Variants in CDK13 observed in about 807,000 individuals in gnomAD.
CDK13 encodes cyclin-dependent kinase 13.
A neutral mutation model predicts 137.6 loss-of-function variants in CDK13; 40 were observed. The observed-to-expected ratio is 0.29, with a 90% CI of 0.23 to 0.38. CDK13 has a LOEUF of 0.38. Ranked by LOEUF, CDK13 falls within the 10% of genes least tolerant of loss-of-function variation. The pLI is 1.00. For synonymous variants in CDK13, 869 were observed against 760.1 expected (o/e 1.14, Z -2.36); for missense variants, 1,704 against 1,951.8 (o/e 0.87, Z 2.39).
At chr7:40,003,206 ACT>A (rs144732307) in intron 5 of CDK13, among the ~76,000 whole-genome samples, 1,816 of 79,742 alleles carry the variant, frequency 0.023, 17 homozygotes, top group East Asian at 0.043. Context: ...ACACACACAC[ACT>A]CTCTCTCTCT....
intron 1 of CDK13, among the ~76,000 whole-genome samples, chr7:39,970,501 T>C (rs1167982389): frequency 6.6e-6 from 1 of 151,448 alleles, no homozygotes; most frequent in Non-Finnish European, 1.5e-5. Flanking sequence ...TACTTCTTCG[T>C]CTAGACTGGA....
intron 13 of CDK13, 59 bp from the exon 14 acceptor site, chr7:40,094,071 T>G: frequency 6.4e-7 from 1 of 1,564,958 alleles, no homozygotes; most frequent in Non-Finnish European, 8.7e-7. Flanking sequence ...CACTGAGTAT[T>G]TTGAATATTT....
At chr7:40,078,918 AATAACAT>A in intron 11 of CDK13, 67 bp downstream of exon 11, 4 of 552,306 alleles carry the variant, frequency 7.2e-6, no homozygotes, top group Non-Finnish European at 1.0e-5. Context: ...AAACAGTTTT[AATAACAT>A]ATATAATAAG....
At chr7:40,037,455 ACAGC>A (rs890288138) in intron 5 of CDK13, among the ~76,000 whole-genome samples, 4 of 152,166 alleles carry the variant, frequency 2.6e-5, no homozygotes, top group African/African-American at 9.7e-5. Flanking sequence ...AAATATCCTG[ACAGC>A]CTTGGTGGCT....
chr7:40,001,766 TAAG>T (rs983785427), intron 4 of CDK13, 92 bp from the exon 5 acceptor site: 4 of 817,718 alleles, frequency 4.9e-6, no homozygotes, highest in Non-Finnish European at 8.2e-6. Context: ...TTTTGAGAAA[TAAG>T]AACAGAATTG....
At chr7:39,978,600 C>A (rs1239229789) in intron 1 of CDK13, among the ~76,000 whole-genome samples, 1 of 152,170 alleles carries the variant, frequency 6.6e-6, no homozygotes, top group African/African-American at 2.4e-5. Context: ...AACAAATGAA[C>A]AGCAAAGGTT....
chr7:39,972,650 T>A (rs980229346), intron 1 of CDK13, among the ~76,000 whole-genome samples: 1 of 152,258 alleles, frequency 6.6e-6, no homozygotes, highest in Non-Finnish European at 1.5e-5. Flanking sequence ...AGTATATGGA[T>A]CAATATTCCT....
intron 1 of CDK13, among the ~76,000 whole-genome samples, chr7:39,972,638 G>T (rs1784024437): frequency 6.6e-6 from 1 of 152,160 alleles, no homozygotes; most frequent in African/African-American, 2.4e-5. Flanking sequence ...TATCTGTGTT[G>T]TAGTATATGG....
chr7:39,997,380 A>G (rs916681644), intron 2 of CDK13, 114 bp from the exon 3 acceptor site: 2 of 819,768 alleles, frequency 2.4e-6, no homozygotes, highest in Non-Finnish European at 4.0e-6. Context: ...TAGTCTTATA[A>G]TGTGAAATAC....
intron 9 of CDK13, chr7:40,066,704 G>C (rs1786286928): frequency 6.6e-6 from 1 of 152,160 alleles, no homozygotes; most frequent in Non-Finnish European, 1.5e-5. Context: ...TTTATTTAAA[G>C]AAATCAAAAC....
At chr7:39,956,079 A>G (rs1787399300) in intron 1 of CDK13, among the ~76,000 whole-genome samples, 2 of 152,214 alleles carry the variant, frequency 1.3e-5, no homozygotes, top group Admixed American at 1.3e-4. Context: ...AGTATATGAA[A>G]TGAAGATATT....
chr7:40,086,671 T>C (rs1321120021), intron 11 of CDK13, among the ~76,000 whole-genome samples: 1 of 152,194 alleles, frequency 6.6e-6, no homozygotes, highest in Non-Finnish European at 1.5e-5. Flanking sequence ...GATGAGCCGC[T>C]CTATGCCAGG....
intron 7 of CDK13, among the ~76,000 whole-genome samples, chr7:40,051,182 A>G (rs1454728658): frequency 1.3e-5 from 2 of 152,094 alleles, no homozygotes; most frequent in African/African-American, 4.8e-5. Context: ...TAAATGTATA[A>G]GAGGAAAATT....
chr7:39,965,235 C>T (rs1489089345), intron 1 of CDK13, among the ~76,000 whole-genome samples: 1 of 152,100 alleles, frequency 6.6e-6, no homozygotes, highest in Non-Finnish European at 1.5e-5. Flanking sequence ...GTTAAAGTCT[C>T]CCATTATTTT....
Position 39,997,498 on chromosome 7 carries a change from C to T in CDK13, c.1876C>T (p.Arg626Ter), listed in dbSNP as rs1479858582. ...TCTGACTTCTTTCACTTTCAGCTTACGAGGAAATATTTCAGTAAAAGCAGT... is the reference window on the plus strand; with the variant it reads ...TCTGACTTCTTTCACTTTCAGCTTATGAGGAAATATTTCAGTAAAAGCAGT... Reference protein sequence around the residue: ...LPEDKEADSLRGNISVKAVKK... With the variant: ...LPEDKEADSL The change falls in exon 3 of 14, where the codon CGA becomes TGA. Residue 626 changes from arginine (R) to a stop codon, truncating the protein, a stop_gained. Coordinates refer to ENST00000181839, the MANE Select transcript of CDK13 (RefSeq NM_003718.5). LOFTEE classifies it high-confidence loss of function. 2.5e-6 allele frequency: 4 copies of T among 1,591,632 alleles called. No individual in the cohort carries two copies. Among genetic ancestry groups the T allele is most frequent in the Non-Finnish European group, 2.6e-6 (3 of 1,174,628 alleles).
At position 39,951,556 on chromosome 7, in the gene CDK13, C is replaced by G. The variant is rs756171153; in HGVS notation, c.915C>G (p.Thr305=). 2 of 1,537,262 alleles carry G rather than the reference C, an allele frequency of 1.3e-6. No homozygotes were observed. Among genetic ancestry groups the G allele is most frequent in the South Asian group, 2.4e-5 (2 of 82,520 alleles). The change falls in exon 1 of 14, where the codon ACC becomes ACG. Residue 305 remains threonine (T), a synonymous_variant. Coordinates refer to ENST00000181839, the MANE Select transcript of CDK13 (RefSeq NM_003718.5). The part of the protein sequence containing the change: ...EPPKAYREDK[T]EPKAYRRRRS... Reference sequence around the variant, plus strand: ...CCAAGGCCTACCGGGAGGACAAGACCGAGCCTAAGGCCTACAGGCGGCGGC... The same window carrying G: ...CCAAGGCCTACCGGGAGGACAAGACGGAGCCTAAGGCCTACAGGCGGCGGC...
At position 40,092,561 on chromosome 7, in the gene CDK13, T is replaced by C. The variant is rs1304542649; in HGVS notation, c.3236-224T>C. 8.0e-6 allele frequency: 4 copies of C among 501,824 alleles called. No homozygotes were observed. The East Asian group carries it at 1.0e-4, about 13-fold the overall frequency. The allele number at this position is 501,824 out of a possible 1,614,324, so 31.1% of individuals were successfully genotyped here. A position where few individuals can be genotyped will look rare whatever the true frequency, so the allele number is the denominator to read the frequency against. On this transcript the variant is annotated intron_variant, in intron 12 of 13. Coordinates refer to ENST00000181839, the MANE Select transcript of CDK13 (RefSeq NM_003718.5). ...GTCTTGATTTTCCTTTTGAAGTATTTACCCCTAAAGATTTATTCAAAATTG... is the reference window on the plus strand; with the variant it reads ...GTCTTGATTTTCCTTTTGAAGTATTCACCCCTAAAGATTTATTCAAAATTG...
At position 40,078,764 on chromosome 7, in the gene CDK13, TG is replaced by T; in HGVS notation, c.2944del (p.Asp982IlefsTer52). ...GACTTATTTGATTACATGCTTGCCT[TG>T]GATCCTAGTAAGCGCTGCACTGCTG... is the stretch of plus-strand genomic sequence containing the variant. ...ALDLFDYMLALDPSKRCTAEQ... is the reference protein window; with the variant it reads ...ALDLFDYMLAXDPSKRCTAEQ... On this transcript the variant is annotated frameshift_variant, in exon 11 of 14. Transcript: ENST00000181839. LOFTEE classifies it high-confidence loss of function. The T allele has an allele frequency of 6.4e-7, 1 of 1,551,498 alleles. No homozygotes were observed. Among genetic ancestry groups the T allele is most frequent in the Non-Finnish European group, 8.7e-7 (1 of 1,146,906 alleles).
chr7:40,008,315 G>T (rs915385594), intron 5 of CDK13, among the ~76,000 whole-genome samples: 1 of 152,126 alleles, frequency 6.6e-6, no homozygotes, highest in Non-Finnish European at 1.5e-5. Context: ...GTAGCTACTG[G>T]CTACATTTTG....
Sources: gnomAD v4.1 joint callset for allele counts (sites outside exome capture counted in the v4.1 genomes callset) on GRCh38, gnomAD v4.1.1 for gene constraint, MANE v1.5 for transcripts, NCBI Gene and HGNC (gene_info 2026-07-23, HGNC 2026-07-21) for gene names.